The following FRAS1 variants were observed in gnomAD, a reference collection of about 807,000 sequenced individuals.
FRAS1 encodes extracellular matrix organizing protein FRAS1.
A neutral mutation model predicts 435.2 loss-of-function variants in FRAS1; 290 were observed. The observed-to-expected ratio is 0.67, with a 90% confidence interval of 0.61 to 0.73. FRAS1 has a LOEUF of 0.73. Among genes scored for constraint, FRAS1 ranks in the 30% least tolerant of loss-of-function variants. The pLI, the probability that FRAS1 is intolerant of heterozygous loss-of-function variation, is 0.00. For synonymous variants in FRAS1, 1,800 were observed against 1,851.0 expected (o/e 0.97, Z 0.71); for missense variants, 4,860 against 5,001.5 (o/e 0.97, Z 0.85).
intron 61 of FRAS1, among the ~76,000 whole-genome samples, chr4:78,502,491 G>A (rs1720715719): frequency 6.6e-6 from 1 of 152,144 alleles, no homozygotes; most frequent in Non-Finnish European, 1.5e-5. Context: ...ATTGTGAATG[G>A]GAGTTCACTC....
chr4:78,461,930 T>G (rs1254223256), intron 47 of FRAS1, among the ~76,000 whole-genome samples: 1 of 151,796 alleles, frequency 6.6e-6, no homozygotes, highest in Non-Finnish European at 1.5e-5. Flanking sequence ...AGAAAGCGAT[T>G]CATTGGTCGC....
At position 78,452,344 on chromosome 4, in the gene FRAS1, AG is replaced by A. The variant is rs1719052543; in HGVS notation, c.6754del (p.Ala2252HisfsTer15). ...QPQLGHLEHA[A>X]SPGIQISSFT... ...CCCAGCTGGGCCACTTGGAACATGC[AG>A]CATCACCAGGTAAGTCTATCATCTC... On this transcript the variant is annotated frameshift_variant, in exon 47 of 74. Transcript: ENST00000512123. LOFTEE classifies it high-confidence loss of function. 1 of 1,602,022 alleles carries A rather than the reference AG, an allele frequency of 6.2e-7. No homozygotes were observed. The highest frequency in any genetic ancestry group is 8.5e-7 in the Non-Finnish European group (1 of 1,176,794).
chr4:78,490,165 A>G (rs893557757), intron 59 of FRAS1, among the ~76,000 whole-genome samples: 3 of 152,106 alleles, frequency 2.0e-5, no homozygotes, highest in African/African-American at 7.2e-5. Flanking sequence ...CAAAGTTCTT[A>G]GAGACCTACA....
intron 14 of FRAS1, among the ~76,000 whole-genome samples, chr4:78,303,347 T>C (rs924080801): frequency 6.6e-6 from 1 of 152,196 alleles, no homozygotes; most frequent in Non-Finnish European, 1.5e-5. Context: ...GGAGGCTCTT[T>C]TTTGGTTCCA....
At chr4:78,157,254 C>T (rs1361001614) in intron 2 of FRAS1, among the ~76,000 whole-genome samples, 1 of 152,138 alleles carries the variant, frequency 6.6e-6, no homozygotes, top group Non-Finnish European at 1.5e-5. Context: ...ATCCCATGTC[C>T]TTGCTATTGT....
chr4:78,483,774 C>A (rs1319664974), intron 58 of FRAS1, among the ~76,000 whole-genome samples: 34,572 of 64,862 alleles, frequency 0.53, 8,417 homozygotes, highest in East Asian at 0.66. Flanking sequence ...AAAACTCTCT[C>A]TCTCTCTCTA....
At chr4:78,461,509 G>A (rs1719366845) in intron 47 of FRAS1, among the ~76,000 whole-genome samples, 1 of 152,126 alleles carries the variant, frequency 6.6e-6, no homozygotes, top group Non-Finnish European at 1.5e-5. Flanking sequence ...CAACCTTCCA[G>A]AGTTGTTAAA....
At chr4:78,162,816 G>A (rs1174023330) in intron 2 of FRAS1, among the ~76,000 whole-genome samples, 1 of 152,202 alleles carries the variant, frequency 6.6e-6, no homozygotes, top group Non-Finnish European at 1.5e-5. Flanking sequence ...AAGAAGGTAA[G>A]TTGTTAGACA....
intron 48 of FRAS1, 54 bp downstream of exon 48, chr4:78,464,199 C>T: frequency 1.3e-6 from 2 of 1,569,898 alleles, no homozygotes; most frequent in Non-Finnish European, 1.7e-6. Context: ...TCGCCATCTT[C>T]TTTGAGTGGA....
At chr4:78,069,536 G>A (rs1317115839) in intron 2 of FRAS1, among the ~76,000 whole-genome samples, 1 of 152,160 alleles carries the variant, frequency 6.6e-6, no homozygotes, top group East Asian at 1.9e-4. Context: ...TTACAAACCA[G>A]CTCTGTGACA....
In FRAS1 at chr4:78,058,070, C is replaced by G. The variant is rs1430538459; in HGVS notation, c.61C>G (p.Pro21Ala). The change falls in exon 1 of 74, where the codon CCT (proline) becomes GCT (alanine). Residue 21 changes from proline to alanine, a missense_variant. Transcript: ENST00000512123. ...ALALAEFAVLPHHSEGACVYQ... is the reference protein window; with the variant it reads ...ALALAEFAVLAHHSEGACVYQ... The stretch of plus-strand genomic sequence containing the variant: ...AGCGTTGGCGGAATTTGCAGTATTG[C>G]CTCATCATTCCGAAGGTGAGAGAGC... 4 of 1,613,518 alleles carry G rather than the reference C, an allele frequency of 2.5e-6. No homozygotes were observed. Among genetic ancestry groups the G allele is most frequent in the Non-Finnish European group, 3.4e-6 (4 of 1,179,788 alleles).
intron 14 of FRAS1, among the ~76,000 whole-genome samples, chr4:78,307,193 G>T (rs1728779284): frequency 6.6e-6 from 1 of 152,192 alleles, no homozygotes; most frequent in South Asian, 2.1e-4. Flanking sequence ...CAGAGGTCAG[G>T]GACCCACTTG....
chr4:78,440,253 C>T (rs1210964237), intron 40 of FRAS1, among the ~76,000 whole-genome samples: 3 of 151,864 alleles, frequency 2.0e-5, no homozygotes, highest in East Asian at 3.9e-4. Context: ...AGGATGGTCT[C>T]GATCTCCTGA....
intron 1 of FRAS1, 53 bp downstream of exon 1, chr4:78,058,138 G>T (rs962463875): frequency 3.3e-5 from 47 of 1,432,452 alleles, no homozygotes; most frequent in African/African-American, 4.2e-5. Context: ...GTGTGTGTGT[G>T]TATGTGTGAG....
intron 2 of FRAS1, among the ~76,000 whole-genome samples, chr4:78,162,948 A>G (rs747376962): frequency 6.6e-6 from 1 of 152,256 alleles, no homozygotes; most frequent in Non-Finnish European, 1.5e-5. Flanking sequence ...GCTAACTACT[A>G]GAAAACAATT....
intron 2 of FRAS1, among the ~76,000 whole-genome samples, chr4:78,207,967 C>T (rs1266202456): frequency 1.3e-5 from 2 of 152,144 alleles, no homozygotes; most frequent in Non-Finnish European, 2.9e-5. Flanking sequence ...TGAACCTTTG[C>T]TCCAGAACTA....
intron 18 of FRAS1, among the ~76,000 whole-genome samples, chr4:78,329,751 G>T (rs1475115754): frequency 6.6e-6 from 1 of 152,202 alleles, no homozygotes; most frequent in Non-Finnish European, 1.5e-5. Context: ...AGGTAGGGAA[G>T]ATAATTTATC....
intron 2 of FRAS1, among the ~76,000 whole-genome samples, chr4:78,087,043 G>A (rs922513682): frequency 3.0e-4 from 46 of 152,068 alleles, no homozygotes; most frequent in Non-Finnish European, 5.1e-4. Context: ...CTGGCAAACC[G>A]AATCCAGCAG....
chr4:78,333,592 C>T (rs1479467956), intron 19 of FRAS1, among the ~76,000 whole-genome samples, 180 bp downstream of exon 19: 1 of 152,188 alleles, frequency 6.6e-6, no homozygotes, highest in African/African-American at 2.4e-5. Context: ...TTAGCTCTTC[C>T]AGTAAGGAAG....
Sources: allele counts gnomAD v4.1 joint callset (sites outside exome capture counted in the v4.1 genomes callset), GRCh38; gene constraint gnomAD v4.1.1; transcripts MANE v1.5; gene names NCBI Gene and HGNC (gene_info 2026-07-23, HGNC 2026-07-21).